Variants in KMO observed in about 807,000 individuals in gnomAD.
KMO encodes the protein kynurenine 3-monooxygenase.
In KMO, 24 loss-of-function variants were observed where a neutral mutation model predicts 57.8. That is an observed-to-expected ratio of 0.42 (90% CI 0.30 to 0.58). The LOEUF is 0.58. Ranked by LOEUF, KMO falls within the 20% of genes least tolerant of loss-of-function variation. The pLI, the probability that KMO is intolerant of heterozygous loss-of-function variation, is 0.22. For missense variants in KMO, 483 were observed against 588.2 expected, an observed-to-expected ratio of 0.82 and a Z score of 1.85; for synonymous variants, 210 against 193.6, an observed-to-expected ratio of 1.08 and a Z score of -0.70.
At chr1:241,586,402 G>A (rs1002718478) in intron 10 of KMO, among the ~76,000 whole-genome samples, 6 of 151,676 alleles carry the variant, frequency 4.0e-5, no homozygotes, top group Admixed American at 3.9e-4. Context: ...GTCTCATCAT[G>A]TTGCCCAGGC....
At chr1:241,537,323 C>T (rs765292790) in intron 1 of KMO, among the ~76,000 whole-genome samples, 8 of 152,182 alleles carry the variant, frequency 5.3e-5, no homozygotes, top group Non-Finnish European at 8.8e-5. Context: ...AAGTAAACGT[C>T]CTCAGTGCAT....
At chr1:241,566,802 C>T (rs751726728) in intron 9 of KMO, among the ~76,000 whole-genome samples, 190 bp downstream of exon 9, 10 of 152,180 alleles carry the variant, frequency 6.6e-5, no homozygotes, top group African/African-American at 9.7e-5. Context: ...ACACCCTTGA[C>T]GTGGCCAGTT....
chr1:241,553,851 C>A (rs1244356442), intron 4 of KMO, among the ~76,000 whole-genome samples: 1 of 152,110 alleles, frequency 6.6e-6, no homozygotes, highest in Admixed American at 6.5e-5. Flanking sequence ...TATACAAAGA[C>A]CAGAATTTCC....
intron 1 of KMO, among the ~76,000 whole-genome samples, chr1:241,542,509 A>G (rs1005381161): frequency 3.3e-5 from 5 of 152,200 alleles, no homozygotes; most frequent in Non-Finnish European, 5.9e-5. Context: ...TAATTTGCAA[A>G]ATTATTTTGT....
Position 241,590,068 on chromosome 1 carries a change from T to C in KMO, c.1155T>C (p.Phe385=), listed in dbSNP as rs759424947. The C allele has an allele frequency of 3.1e-6, 5 of 1,614,056 alleles. No individual in the cohort carries two copies. Among genetic ancestry groups the C allele is most frequent in the Admixed American group, 1.7e-5 (1 of 60,022 alleles). ...TTTTTCAGAAGAACATGGAGAGATT[T>C]CTTCATGCGATTATGCCATCGACCT... is the stretch of plus-strand genomic sequence containing the variant. ...WFIFQKNMER[F]LHAIMPSTFI... is the part of the protein sequence containing the mutation. Residue 385 remains phenylalanine, a synonymous_variant, in exon 13 of 15, where the codon TTT becomes TTC. Transcript: ENST00000366559.
At chr1:241,586,822 C>G (rs1280188408) in intron 11 of KMO, 86 bp downstream of exon 11, 16 of 912,072 alleles carry the variant, frequency 1.8e-5, no homozygotes, top group Non-Finnish European at 2.8e-5. Flanking sequence ...TGATCACAAA[C>G]CTGTGATGTA....
intron 12 of KMO, 78 bp from the exon 13 acceptor site, chr1:241,589,934 A>G (rs1392005556): frequency 3.6e-6 from 4 of 1,107,454 alleles, no homozygotes; most frequent in Non-Finnish European, 5.5e-6. Context: ...ATGAGTGGGA[A>G]TGAAGAATAA....
chr1:241,576,786 T>C (rs989977446), intron 10 of KMO, among the ~76,000 whole-genome samples: 8 of 152,156 alleles, frequency 5.3e-5, no homozygotes, highest in Admixed American at 1.3e-4. Flanking sequence ...TATTTGCATA[T>C]CTCAATCTGT....
chr1:241,553,522 A>C (rs962498339), intron 4 of KMO, among the ~76,000 whole-genome samples: 1 of 152,140 alleles, frequency 6.6e-6, no homozygotes, highest in Non-Finnish European at 1.5e-5. Flanking sequence ...CCCTGTTTCT[A>C]TAAAAAAATT....
At chr1:241,542,369 A>C (rs1056141383) in intron 1 of KMO, among the ~76,000 whole-genome samples, 1 of 152,244 alleles carries the variant, frequency 6.6e-6, no homozygotes, top group Non-Finnish European at 1.5e-5. Flanking sequence ...ATAAGGAAGT[A>C]TGACGAGACA....
chr1:241,567,670 G>A (rs1558423469), intron 9 of KMO, among the ~76,000 whole-genome samples: 1 of 152,114 alleles, frequency 6.6e-6, no homozygotes. Context: ...TATGTAAAAG[G>A]GATAACCCAC....
At chr1:241,564,009 T>G (rs12139931) in intron 7 of KMO, among the ~76,000 whole-genome samples, 42,600 of 152,032 alleles carry the variant, frequency 0.28, 6,325 homozygotes, top group Middle Eastern at 0.35. Context: ...CCTATTGGAC[T>G]GCACTGTAAG....
chr1:241,541,073 AAAG>A (rs1332889750), intron 1 of KMO, among the ~76,000 whole-genome samples: 2 of 152,164 alleles, frequency 1.3e-5, no homozygotes, highest in Non-Finnish European at 2.9e-5. Flanking sequence ...AAGAAAATAA[AAAG>A]AAGATGACTA....
chr1:241,560,807 G>C, intron 6 of KMO, 55 bp downstream of exon 6: 3 of 1,124,198 alleles, frequency 2.7e-6, no homozygotes, highest in Non-Finnish European at 4.1e-6. Context: ...GTGGAGAATT[G>C]TATCTGCAAA....
At chr1:241,537,321 G>A (rs939474930) in intron 1 of KMO, among the ~76,000 whole-genome samples, 10 of 152,104 alleles carry the variant, frequency 6.6e-5, no homozygotes, top group African/African-American at 2.4e-4. Flanking sequence ...TGAAGTAAAC[G>A]TCCTCAGTGC....
At position 241,586,742 on chromosome 1, in the gene KMO, T is replaced by G. The variant is rs749837467; in HGVS notation, c.1015+6T>G. 2.5e-6 allele frequency: 4 copies of G among 1,596,300 alleles called. No individual in the cohort carries two copies. The highest frequency in any genetic ancestry group is 3.4e-6 in the Non-Finnish European group (4 of 1,170,574). On this transcript the variant is annotated splice_donor_region_variant and intron_variant, in intron 11 of 14. Transcript: ENST00000366559. ...TAAATTCAGTAACGACCTTAGTAAG[T>G]AAGGTCAATTTCTCAACTGGACATG...
intron 10 of KMO, 52 bp downstream of exon 10, chr1:241,568,699 A>T: frequency 1.3e-6 from 2 of 1,556,054 alleles, no homozygotes; most frequent in Non-Finnish European, 1.8e-6. Flanking sequence ...GGTCAGTCTC[A>T]GCTAACAAGT....
intron 1 of KMO, among the ~76,000 whole-genome samples, chr1:241,546,974 A>C (rs1245626690): frequency 6.6e-6 from 1 of 152,166 alleles, no homozygotes; most frequent in Non-Finnish European, 1.5e-5. Flanking sequence ...AAAACCAGAA[A>C]ATGAGAGAAG....
At position 241,565,048 on chromosome 1, in the gene KMO, T is replaced by C; in HGVS notation, c.677T>C (p.Leu226Pro). ...WPRNTFMMIA[L>P]PNMNKSFTCT... ...AGAAATACCTTTATGATGATTGCAC[T>C]TCCTAACATGGTAGTATAGAATTTT... is the stretch of plus-strand genomic sequence containing the variant. Residue 226 changes from leucine (L) to proline (P), a missense_variant, in exon 8 of 15, where the codon CTT becomes CCT. Around this residue, in one of 3 missense-constraint regions of KMO, gnomAD observed 410 missense variants for 492.3 expected, o/e 0.83. Coordinates refer to ENST00000366559, the MANE Select transcript of KMO (RefSeq NM_003679.5). 1 of 1,589,472 alleles carries C rather than the reference T, an allele frequency of 6.3e-7. No homozygotes were observed. The highest frequency in any genetic ancestry group is 8.6e-7 in the Non-Finnish European group (1 of 1,158,116).
Sources: gnomAD v4.1 joint callset for allele counts (sites outside exome capture counted in the v4.1 genomes callset) on GRCh38, gnomAD v4.1.1 for gene constraint, gnomAD v4.1.1 regional missense constraint, MANE v1.5 for transcripts, NCBI Gene and HGNC (gene_info 2026-07-23, HGNC 2026-07-21) for gene names.